LPA: variants seen among roughly 807,000 people sequenced by gnomAD.
The protein encoded by LPA is apolipoprotein(a).
LPA carries 199 observed loss-of-function variants against 197.9 expected under a neutral mutation model. That is an observed-to-expected ratio of 1.01 (90% CI 0.90 to 1.13). The LOEUF is 1.13. Ranked by LOEUF, LPA falls within the 50% of genes most tolerant of loss-of-function variation. The pLI, the probability that LPA is intolerant of heterozygous loss-of-function variation, is 0.00. For synonymous variants in LPA, 715 were observed against 639.5 expected (o/e 1.12, Z -1.78); for missense variants, 1,853 against 1,785.8 (o/e 1.04, Z -0.68).
chr6:160,545,810 A>C (rs1434077050), intron 32 of LPA, among the ~76,000 whole-genome samples: 2 of 152,144 alleles, frequency 1.3e-5, no homozygotes, highest in Non-Finnish European at 1.5e-5. Context: ...AGCTTGACCC[A>C]CTGGAGGTCT....
chr6:160,654,035 T>TAA (rs1780073842), intron 1 of LPA, among the ~76,000 whole-genome samples: 1 of 10,382 alleles, frequency 9.6e-5, no homozygotes, highest in African/African-American at 7.2e-4. Context: ...ATAATATATA[T>TAA]TATATATAAT....
intron 1 of LPA, among the ~76,000 whole-genome samples, chr6:160,657,848 C>T (rs573885197): frequency 6.6e-6 from 1 of 152,128 alleles, no homozygotes; most frequent in African/African-American, 2.4e-5. Flanking sequence ...GCCTGTTCTC[C>T]AGATTTCTGC....
At chr6:160,586,865 T>G in intron 24 of LPA, among the ~76,000 whole-genome samples, 1 of 152,214 alleles carries the variant, frequency 6.6e-6, no homozygotes, top group East Asian at 1.9e-4. Flanking sequence ...ATAAGAAAAC[T>G]GAGAGAAAAC....
rs41267813 is a variant in LPA at position 160,577,167 on chromosome 6, G to A, written c.4600C>T (p.His1534Tyr). 2,471 of 1,613,830 alleles carry A rather than the reference G, an allele frequency of 1.5e-3. 1 individual carries two copies. The highest frequency in any genetic ancestry group is 2.0e-3 in the Non-Finnish European group (2,365 of 1,179,792). ...GGGTAGTTTTCTGGGGTCCTCTGATGCCAGTGTGGTATCATAGATGACCAA... is the reference window on the plus strand; with the variant it reads ...GGGTAGTTTTCTGGGGTCCTCTGATACCAGTGTGGTATCATAGATGACCAA... ...QSWSSMIPHW[H>Y]QRTPENYPNA... Residue 1534 changes from histidine (H) to tyrosine (Y), a missense_variant, in exon 28 of 39, where the codon CAT (histidine) becomes TAT (tyrosine). Transcript: ENST00000316300.
intron 7 of LPA, 123 bp from the exon 8 acceptor site, chr6:160,634,035 T>C: frequency 7.1e-7 from 1 of 1,408,952 alleles, no homozygotes; most frequent in Non-Finnish European, 9.8e-7. Context: ...CCCTTACCTG[T>C]AGGCAGATGG....
intron 20 of LPA, among the ~76,000 whole-genome samples, chr6:160,596,510 T>C (rs1018782724): frequency 6.6e-5 from 10 of 152,140 alleles, no homozygotes; most frequent in African/African-American, 2.2e-4. Flanking sequence ...AAGATGAATA[T>C]TTATAGTATA....
At chr6:160,550,777 A>G (rs1359058108) in intron 30 of LPA, among the ~76,000 whole-genome samples, 1 of 152,184 alleles carries the variant, frequency 6.6e-6, no homozygotes, top group African/African-American at 2.4e-5. Context: ...ACATCAATAG[A>G]CTCATACATA....
intron 30 of LPA, among the ~76,000 whole-genome samples, chr6:160,550,061 A>C (rs1778143557): frequency 6.6e-6 from 1 of 152,184 alleles, no homozygotes; most frequent in Non-Finnish European, 1.5e-5. Context: ...TCTCTACTAA[A>C]AATACAAAAA....
chr6:160,587,920 T>A (rs1461399019), intron 24 of LPA, among the ~76,000 whole-genome samples: 1 of 152,116 alleles, frequency 6.6e-6, no homozygotes, highest in Admixed American at 6.5e-5. Context: ...AGTGAGTTCT[T>A]CATTAGAGAT....
In LPA at chr6:160,650,387, A is replaced by G. The variant is rs765314362; in HGVS notation, c.160T>C (p.Ser54Pro). The change falls in exon 2 of 39, where the codon TCT becomes CCT. Residue 54 changes from serine to proline, a missense_variant. Physicochemically the swap from Ser to Pro is moderately conservative, Grantham distance 74. This residue lies in a region of LPA where 88 missense variants were observed against 83.0 expected (regional missense o/e 1.06). Transcript: ENST00000316300. ...VTGRTCQAWSSMTPHQHNRTT... is the reference protein window; with the variant it reads ...VTGRTCQAWSPMTPHQHNRTT... ...CTATTATGTTGATGTGGTGTCATAG[A>G]TGACCAAGCTTGGCAGGTCCTTCCT... The G allele has an allele frequency of 1.2e-6, 2 of 1,613,810 alleles. No individual in the cohort carries two copies. The highest frequency in any genetic ancestry group is 3.3e-5 in the Admixed American group (2 of 59,994).
Position 160,532,567 on chromosome 6 carries a change from A to G in LPA, c.5925T>C (p.Cys1975=). 2 of 1,613,120 alleles carry G rather than the reference A, an allele frequency of 1.2e-6. No individual in the cohort carries two copies. The highest frequency in any genetic ancestry group is 1.7e-6 in the Non-Finnish European group (2 of 1,179,100). The change falls in exon 38 of 39, where the codon TGT becomes TGC. Residue 1975 remains cysteine (C), a synonymous_variant. Coordinates refer to ENST00000316300, the MANE Select transcript of LPA (RefSeq NM_005577.4). ...NEVCNHYKYI[C]AEHLARGTDS... is the part of the protein sequence containing the mutation. ...CAGTGCCTCTGGCCAAATGCTCAGC[A>G]CAAATATACTTATAGTGATTGCACA...
At chr6:160,603,531 A>G (rs971058666) in intron 18 of LPA, among the ~76,000 whole-genome samples, 4 of 152,074 alleles carry the variant, frequency 2.6e-5, no homozygotes, top group Admixed American at 6.5e-5. Flanking sequence ...GTTTTCTTAA[A>G]ACCTAAAACT....
intron 18 of LPA, among the ~76,000 whole-genome samples, chr6:160,604,365 AC>A (rs1562340707): frequency 6.6e-6 from 1 of 152,104 alleles, no homozygotes. Flanking sequence ...CTGTTGTCCA[AC>A]ATGTAGAAAC....
chr6:160,543,554 G>A (rs905190513), intron 33 of LPA, among the ~76,000 whole-genome samples: 1 of 152,124 alleles, frequency 6.6e-6, no homozygotes, highest in African/African-American at 2.4e-5. Context: ...CTTTTCATTT[G>A]CTGTGGGTTG....
intron 2 of LPA, 47 bp downstream of exon 2, chr6:160,650,291 A>G (rs1208431297): frequency 6.8e-6 from 11 of 1,606,406 alleles, no homozygotes; most frequent in Non-Finnish European, 9.4e-6. Context: ...TTCTAAGACA[A>G]ATTTTACTTG....
chr6:160,588,184 T>C (rs969489723), intron 24 of LPA, among the ~76,000 whole-genome samples: 2 of 152,146 alleles, frequency 1.3e-5, no homozygotes, highest in African/African-American at 2.4e-5. Context: ...AATTTTTAAA[T>C]AGAAGTAACG....
chr6:160,550,700 C>A (rs924885868), intron 30 of LPA, among the ~76,000 whole-genome samples: 4 of 152,206 alleles, frequency 2.6e-5, no homozygotes, highest in African/African-American at 9.6e-5. Context: ...CTACTCTCTT[C>A]CCATGGCCAG....
In LPA at chr6:160,576,690, G is replaced by GTGTA. The variant is rs869225354; in HGVS notation, c.4631+445_4631+446insTACA. Among the ~76,000 whole-genome samples the GTGTA allele has an allele frequency of 9.0e-3, 685 of 76,532 alleles. 1 individual carries two copies. The highest frequency in any genetic ancestry group is 0.03 in the East Asian group (90 of 3,030). 50.2% of individuals were successfully genotyped at this position (76,532 alleles called of 152,430 possible). ...GATGTTTGTGTGTGTGTGTGTGTGT[G>GTGTA]TATATATATATATATATATATATAT... On this transcript the variant is annotated intron_variant, in intron 28 of 38. Coordinates refer to ENST00000316300, the MANE Select transcript of LPA (RefSeq NM_005577.4).
intron 27 of LPA, 27 bp downstream of exon 27, chr6:160,578,496 A>G (rs900782994): frequency 3.1e-6 from 5 of 1,612,666 alleles, no homozygotes; most frequent in African/African-American, 1.3e-5. Context: ...ATCCCAGTAT[A>G]TAGATGTCTA....
Sources: gnomAD v4.1 joint callset for allele counts (sites outside exome capture counted in the v4.1 genomes callset) on GRCh38, gnomAD v4.1.1 for gene constraint, gnomAD v4.1.1 regional missense constraint, MANE v1.5 for transcripts, NCBI Gene and HGNC (gene_info 2026-07-23, HGNC 2026-07-21) for gene names.